RSU1: variants seen among roughly 807,000 people sequenced by gnomAD.
RSU1 encodes the protein rsu-1.
In RSU1, 26 loss-of-function variants were observed where a neutral mutation model predicts 31.1. The observed-to-expected ratio is 0.84, with a 90% CI of 0.61 to 1.16. The LOEUF (loss-of-function observed/expected upper bound fraction) is 1.16. Ranked by LOEUF, RSU1 falls within the 50% of genes most tolerant of loss-of-function variation. RSU1 has a pLI of 0.00. For synonymous variants in RSU1, 164 were observed against 136.3 expected, an observed-to-expected ratio of 1.20 and a Z score of -1.41; for missense variants, 320 against 339.1, an observed-to-expected ratio of 0.94 and a Z score of 0.44.
At chr10:16,658,965 T>C (rs1050990133) in intron 8 of RSU1, among the ~76,000 whole-genome samples, 4 of 152,212 alleles carry the variant, frequency 2.6e-5, no homozygotes, top group African/African-American at 9.6e-5. Context: ...TAAAATGCTG[T>C]CACATGGTTT....
intron 8 of RSU1, among the ~76,000 whole-genome samples, chr10:16,604,122 C>T (rs1341091199): frequency 2.0e-5 from 3 of 152,212 alleles, no homozygotes; most frequent in African/African-American, 7.2e-5. Context: ...ACAGAACTAG[C>T]TGGGGATGAC....
In RSU1 at chr10:16,811,196, CA is replaced by C. The variant is rs142827706; in HGVS notation, c.109+5776del. On this transcript the variant is annotated intron_variant, in intron 2 of 8. Transcript: ENST00000345264. ...GCTGTACAGTTTTGTAGCCTAAGAG[CA>C]AAAGCCTGAGTCACAAGCACACCAT... 7.8e-3 allele frequency among the ~76,000 whole-genome samples: 1,186 copies of C among 152,284 alleles called. 16 individuals carry two copies. The highest frequency in any genetic ancestry group is 0.026 in the African/African-American group (1,098 of 41,554).
intron 7 of RSU1, among the ~76,000 whole-genome samples, chr10:16,752,083 C>T (rs1474647413): frequency 2.6e-5 from 4 of 152,106 alleles, no homozygotes; most frequent in Admixed American, 2.0e-4. Context: ...TCAACATGTT[C>T]AAGTAGCCAT....
intron 8 of RSU1, among the ~76,000 whole-genome samples, chr10:16,609,137 G>A (rs1056834100): frequency 6.6e-5 from 10 of 152,114 alleles, no homozygotes; most frequent in Admixed American, 2.0e-4. Context: ...TGTGAGCCAC[G>A]GTGCCCAGCC....
intron 8 of RSU1, among the ~76,000 whole-genome samples, chr10:16,638,742 G>A (rs1357057696): frequency 5.3e-5 from 8 of 152,222 alleles, no homozygotes; most frequent in Non-Finnish European, 8.8e-5. Context: ...GAAATGCGAG[G>A]AGGCCTGGCG....
chr10:16,625,341 C>T (rs993937004), intron 8 of RSU1, among the ~76,000 whole-genome samples: 12 of 152,116 alleles, frequency 7.9e-5, no homozygotes, highest in Non-Finnish European at 1.2e-4. Context: ...TCATGATGGC[C>T]GGAGGCTCAC....
chr10:16,789,558 G>C (rs984170613), intron 2 of RSU1, among the ~76,000 whole-genome samples: 1 of 152,140 alleles, frequency 6.6e-6, no homozygotes, highest in Non-Finnish European at 1.5e-5. Flanking sequence ...AGTCTTGTAT[G>C]GAAACTGAGC....
chr10:16,772,035 T>G (rs1237607067), intron 3 of RSU1, among the ~76,000 whole-genome samples: 1 of 152,210 alleles, frequency 6.6e-6, no homozygotes, highest in African/African-American at 2.4e-5. Flanking sequence ...GCTCACTCTA[T>G]GCTATCATGA....
chr10:16,593,477 G>A lies in RSU1; in HGVS notation c.751C>T (p.Gln251Ter). The change falls in exon 9 of 9, where the codon CAG (glutamine) becomes TAG (stop). Residue 251 changes from glutamine (Q) to a stop codon, truncating the protein, a stop_gained. Coordinates refer to ENST00000345264, the MANE Select transcript of RSU1 (RefSeq NM_012425.4). LOFTEE classifies it high-confidence loss of function. ...TTCTTCGGTGGTTCTGGGTTGGCCT[G>A]CATGTGTCTGCCGTAGAGGCTGCAA... ...TYKYLYGRHM[Q>*]ANPEPPKKNN... The A allele has an allele frequency of 6.2e-7, 1 of 1,613,978 alleles. No homozygotes were observed. The highest frequency in any genetic ancestry group is 1.1e-5 in the South Asian group (1 of 91,070).
At chr10:16,610,849 G>C (rs567917077) in intron 8 of RSU1, among the ~76,000 whole-genome samples, 42 of 152,216 alleles carry the variant, frequency 2.8e-4, no homozygotes, top group African/African-American at 6.3e-4. Context: ...GGAAACTGCT[G>C]GTTTCGAGTA....
At chr10:16,671,225 T>C (rs1037096948) in intron 8 of RSU1, among the ~76,000 whole-genome samples, 3 of 152,066 alleles carry the variant, frequency 2.0e-5, no homozygotes, top group African/African-American at 7.2e-5. Flanking sequence ...GAAAATGTGG[T>C]AGAAACAGGG....
In RSU1 at chr10:16,634,251, T is replaced by C. The variant is rs78910162; in HGVS notation, c.732-40755A>G. Among the ~76,000 whole-genome samples the C allele has an allele frequency of 3.7e-3, 558 of 152,328 alleles. 7 individuals are homozygous for C. The highest frequency in any genetic ancestry group is 0.013 in the African/African-American group (540 of 41,570). ...TGTCTGGTGGGAGGAAACAGAAATT[T>C]CTTCTCTCCTGGCTAGAGAGAGCCC... On this transcript the variant is annotated intron_variant, in intron 8 of 8. Coordinates refer to ENST00000345264, the MANE Select transcript of RSU1 (RefSeq NM_012425.4).
chr10:16,807,305 G>T (rs1201202814), intron 2 of RSU1, among the ~76,000 whole-genome samples: 2 of 152,192 alleles, frequency 1.3e-5, no homozygotes, highest in African/African-American at 4.8e-5. Context: ...TAATGGATAT[G>T]CAAAGAAACG....
chr10:16,784,772 C>T lies in RSU1; in HGVS notation c.110-2688G>A, dbSNP rs952694791. 2.6e-5 allele frequency among the ~76,000 whole-genome samples: 4 copies of T among 152,250 alleles called. No homozygotes were observed. The East Asian group carries it at 5.8e-4, about 22-fold the overall frequency. On this transcript the variant is annotated intron_variant, in intron 2 of 8. Coordinates refer to ENST00000345264, the MANE Select transcript of RSU1 (RefSeq NM_012425.4). ...ATCTCGTGAGACTTATTCACTATAACAAGAACAGCATGGGAAAGCCCCACC... is the reference window on the plus strand; with the variant it reads ...ATCTCGTGAGACTTATTCACTATAATAAGAACAGCATGGGAAAGCCCCACC...
intron 8 of RSU1, among the ~76,000 whole-genome samples, chr10:16,676,608 T>C (rs10795415): frequency 0.51 from 77,335 of 151,938 alleles, 20,197 homozygotes; most frequent in Middle Eastern, 0.61. Flanking sequence ...ATTTTTTGGA[T>C]TGACATATTT....
At chr10:16,672,986 G>A (rs2131540161) in intron 8 of RSU1, among the ~76,000 whole-genome samples, 1 of 152,354 alleles carries the variant, frequency 6.6e-6, no homozygotes, top group East Asian at 1.9e-4. Context: ...CAGGCAGCCT[G>A]TTTCCAGGGC....
intron 3 of RSU1, among the ~76,000 whole-genome samples, chr10:16,766,827 G>T (rs1390461012): frequency 1.3e-5 from 2 of 151,066 alleles, no homozygotes; most frequent in African/African-American, 2.4e-5. Context: ...CAGCCTGGCC[G>T]ACGTGGTGAA....
At chr10:16,670,357 C>T (rs991937937) in intron 8 of RSU1, among the ~76,000 whole-genome samples, 10 of 152,178 alleles carry the variant, frequency 6.6e-5, no homozygotes, top group Admixed American at 5.9e-4. Context: ...GCCACTCAAT[C>T]TGATAAACAA....
At chr10:16,667,161 A>G (rs1835009300) in intron 8 of RSU1, among the ~76,000 whole-genome samples, 1 of 152,210 alleles carries the variant, frequency 6.6e-6, no homozygotes, top group Admixed American at 6.5e-5. Context: ...GGGAACTTAT[A>G]CTTTAGCTGT....
Sources: allele counts gnomAD v4.1 joint callset (sites outside exome capture counted in the v4.1 genomes callset), GRCh38; gene constraint gnomAD v4.1.1; transcripts MANE v1.5; gene names NCBI Gene and HGNC (gene_info 2026-07-23, HGNC 2026-07-21).